DUS3L: variants seen among roughly 807,000 people sequenced by gnomAD.
The protein encoded by DUS3L is dihydrouridine synthase 3 like, also known as tRNA-dihydrouridine(47) synthase [NAD(P)(+)]-like.
A neutral mutation model predicts 74.6 loss-of-function variants in DUS3L; 62 were observed. That is an observed-to-expected ratio of 0.83 (90% confidence interval 0.68 to 1.03). The LOEUF (loss-of-function observed/expected upper bound fraction) is 1.03, where lower values mean the gene tolerates loss of function less well. DUS3L is among the 50% of genes least tolerant of loss of function. DUS3L has a pLI of 0.00. For missense variants in DUS3L, 884 were observed against 924.4 expected (o/e 0.96, Z 0.57); for synonymous variants, 433 against 395.7 (o/e 1.09, Z -1.12).
In DUS3L at chr19:5,785,242, G is replaced by A. The variant is rs780175670; in HGVS notation, c.1914C>T (p.Phe638=). Residue 638 remains phenylalanine, a synonymous_variant, in exon 13 of 13, where the codon TTC becomes TTT. Transcript: ENST00000309061. ...TGGCCTTGTGCTTCGGCAAGAAGGC[G>A]AAGCTGGGGGGCACTGGCCCAAGGA... The part of the protein sequence containing the change: ...EMLLGPVPPS[F]AFLPKHKANA... 5.6e-6 allele frequency: 9 copies of A among 1,610,700 alleles called. No individual in the cohort carries two copies. Among genetic ancestry groups the A allele is most frequent in the Admixed American group, 1.7e-5 (1 of 59,670 alleles).
chr19:5,789,518 C>A lies in DUS3L; in HGVS notation c.589G>T (p.Ala197Ser). The change falls in exon 3 of 13, where the codon GCG becomes TCG. Residue 197 changes from alanine (A) to serine (S), a missense_variant. Coordinates refer to ENST00000309061, the MANE Select transcript of DUS3L (RefSeq NM_020175.3). The stretch of plus-strand genomic sequence containing the variant: ...GACGGGGGCTGGGTCCCGCGGGCCG[C>A]CAACTCCTCCTGCACCAGGTTCTGT... ...EGQNLVQEEL[A>S]ARGTQPPSIR... 5.6e-6 allele frequency: 9 copies of A among 1,605,006 alleles called. No individual in the cohort carries two copies. Among genetic ancestry groups the A allele is most frequent in the Non-Finnish European group, 7.6e-6 (9 of 1,178,180 alleles).
rs754118371 is a variant in DUS3L at position 5,787,573 on chromosome 19, C to G, written c.1212+16G>C. The G allele has an allele frequency of 6.2e-7, 1 of 1,611,076 alleles. No homozygotes were observed. The highest frequency in any genetic ancestry group is 1.3e-5 in the African/African-American group (1 of 74,840). ...GCCCAGATGGGGAAACCGAGGCACA[C>G]GTCCAGGGCCGCTACCTTCTTGTAC... is the stretch of plus-strand genomic sequence containing the variant. On this transcript the variant is annotated intron_variant, in intron 6 of 12. Coordinates refer to ENST00000309061, the MANE Select transcript of DUS3L (RefSeq NM_020175.3).
Position 5,790,341 on chromosome 19 carries a change from G to A in DUS3L, c.99-6C>T, listed in dbSNP as rs2056897797. 3.1e-6 allele frequency: 5 copies of A among 1,613,606 alleles called. No homozygotes were observed. In the Admixed American group the frequency reaches 5.0e-5, roughly 16 times the overall value. On this transcript the variant is annotated splice_polypyrimidine_tract_variant and splice_region_variant and intron_variant, in intron 1 of 12. Transcript: ENST00000309061. ...GCTCCTTGGTGGTGAGGTATCTGCC[G>A]ACAGAAAGGGAAAGGAAAACCCTCC...
Position 5,786,739 on chromosome 19 carries a change from G to C in DUS3L, c.1486+10C>G. ...TAGGGGAGAGGGAGGTGGCTTCCCG[G>C]AACACCCACCGAACAGGGGCATGGG... On this transcript the variant is annotated intron_variant, in intron 9 of 12. Transcript: ENST00000309061. 1 of 1,609,950 alleles carries C rather than the reference G, an allele frequency of 6.2e-7. No individual in the cohort carries two copies. Among genetic ancestry groups the C allele is most frequent in the Non-Finnish European group, 8.5e-7 (1 of 1,178,792 alleles).
In DUS3L at chr19:5,786,680, C is replaced by T. The variant is rs904570140; in HGVS notation, c.1486+69G>A. 4.4e-5 allele frequency: 70 copies of T among 1,577,360 alleles called. 1 individual carries two copies. The highest frequency in any genetic ancestry group is 3.3e-4 in the South Asian group (28 of 86,006). On this transcript the variant is annotated intron_variant, in intron 9 of 12. Coordinates refer to ENST00000309061, the MANE Select transcript of DUS3L (RefSeq NM_020175.3). ...TACGAGGGGGTCCCAAGTGGGAAGG[C>T]GAACAGCCCAGAGGTGTGAGTGACC...
intron 4 of DUS3L, 34 bp from the exon 5 acceptor site, chr19:5,788,210 T>TG (rs777209369): frequency 9.3e-6 from 15 of 1,611,938 alleles, no homozygotes; most frequent in Non-Finnish European, 1.2e-5. Context: ...CACATGCTCT[T>TG]GCACGCGCAC....
chr19:5,786,168 T>C (rs1214161761), intron 10 of DUS3L, among the ~76,000 whole-genome samples: 1 of 152,174 alleles, frequency 6.6e-6, no homozygotes, highest in East Asian at 1.9e-4. Flanking sequence ...AGGCTAGTCT[T>C]GAACCTCCGA....
rs766698723 is a variant in DUS3L, at chr19:5,788,322, C to T, written c.942+35G>A. ...CTGTTGGAATGACCACACTGCCACC[C>T]TGCCACCCGACCAGCCACCTGACCC... On this transcript the variant is annotated intron_variant, in intron 4 of 12. Transcript: ENST00000309061. The T allele has an allele frequency of 8.1e-6, 13 of 1,613,340 alleles. No homozygotes were observed. In the African/African-American group the frequency reaches 1.6e-4, roughly 20 times the overall value.
At chr19:5,789,976 A>G (rs2056893476) in intron 2 of DUS3L, 71 bp downstream of exon 2, 6 of 1,586,014 alleles carry the variant, frequency 3.8e-6, no homozygotes. Context: ...CTTTCTAACA[A>G]TTACCCGCTG....
chr19:5,787,266 G>T, intron 7 of DUS3L, 30 bp downstream of exon 7: 1 of 335,918 alleles, frequency 3.0e-6, no homozygotes, highest in Non-Finnish European at 4.2e-6. Context: ...AGTTGTTTGG[G>T]AGCCAGTGCG....
Position 5,786,858 on chromosome 19 carries a change from C to A in DUS3L, c.1390-13G>T. 1 of 1,600,646 alleles carries A rather than the reference C, an allele frequency of 6.2e-7. No homozygotes were observed. The highest frequency in any genetic ancestry group is 1.1e-5 in the South Asian group (1 of 88,836). Reference sequence around the variant, plus strand: ...AGCGGCCGTGGAGCTGGGGGAGAAGCCGCCACGCAGGGTAGGAGGCAGAGA... The same window carrying A: ...AGCGGCCGTGGAGCTGGGGGAGAAGACGCCACGCAGGGTAGGAGGCAGAGA... On this transcript the variant is annotated splice_polypyrimidine_tract_variant and intron_variant, in intron 8 of 12. Transcript: ENST00000309061.
chr19:5,787,385 G>T (rs767988717), intron 6 of DUS3L, 24 bp from the exon 7 acceptor site: 3 of 1,611,418 alleles, frequency 1.9e-6, no homozygotes, highest in Non-Finnish European at 2.5e-6. Context: ...GCGGGTGGAG[G>T]GAGGGCAGGA....
intron 1 of DUS3L, 174 bp downstream of exon 1, chr19:5,790,870 G>A: frequency 3.1e-6 from 2 of 651,196 alleles, no homozygotes; most frequent in Non-Finnish European, 5.4e-6. Context: ...GCCCCAACGT[G>A]CACGATCTCA....
Position 5,789,708 on chromosome 19 carries a change from A to G in DUS3L, c.399T>C (p.Ala133=). 4 of 1,605,266 alleles carry G rather than the reference A, an allele frequency of 2.5e-6. No homozygotes were observed. The highest frequency in any genetic ancestry group is 1.1e-5 in the South Asian group (1 of 89,578). Residue 133 remains alanine, a synonymous_variant, in exon 3 of 13, where the codon GCT becomes GCC. Coordinates refer to ENST00000309061, the MANE Select transcript of DUS3L (RefSeq NM_020175.3). ...LCPSLIQESA[A]KCFFGDRCRF... ...GGCAGCGATCACCGAAGAAACACTTAGCAGCCGACTCCTGCGAGGAAACAG... is the reference window on the plus strand; with the variant it reads ...GGCAGCGATCACCGAAGAAACACTTGGCAGCCGACTCCTGCGAGGAAACAG...
chr19:5,786,772 G>A lies in DUS3L; in HGVS notation c.1463C>T (p.Ala488Val). The change falls in exon 9 of 13, where the codon GCC becomes GTC. Residue 488 changes from alanine to valine, a missense_variant. By Grantham distance (64) the Ala-to-Val change is moderately conservative (BLOSUM62 0). Coordinates refer to ENST00000309061, the MANE Select transcript of DUS3L (RefSeq NM_020175.3). ...DWQYIEECVQ[A>V]ASPMPLFGNG... ...ACCGAACAGGGGCATGGGGCTGGCG[G>A]CCTGCACGCACTCCTCGATGTACTG... The A allele has an allele frequency of 6.2e-7, 1 of 1,612,182 alleles. No individual in the cohort carries two copies. Among genetic ancestry groups the A allele is most frequent in the Non-Finnish European group, 8.5e-7 (1 of 1,179,800 alleles).
In DUS3L at chr19:5,791,059, G is replaced by T; in HGVS notation, c.83C>A (p.Ala28Glu). The T allele has an allele frequency of 6.2e-7, 1 of 1,604,014 alleles. No individual in the cohort carries two copies. The highest frequency in any genetic ancestry group is 8.5e-7 in the Non-Finnish European group (1 of 1,175,834). Residue 28 changes from alanine (A) to glutamate (E), a missense_variant, in exon 1 of 13, where the codon GCG becomes GAG. Physicochemically the swap from Ala to Glu is moderately radical, Grantham distance 107. Coordinates refer to ENST00000309061, the MANE Select transcript of DUS3L (RefSeq NM_020175.3). ...SGAGALERGV[A>E]PIKRQYLTTK... is the part of the protein sequence containing the mutation. ...GGCGACTCACTGACGCTTAATGGGC[G>T]CCACTCCTCGTTCCAAAGCTCCGGC... is the stretch of plus-strand genomic sequence containing the variant.
chr19:5,786,820 C>T lies in DUS3L; in HGVS notation c.1415G>A (p.Arg472His), dbSNP rs187597254. ...VTLHGRSREQ[R>H]YTKLADWQYI... ...CTGCCAGTCGGCTAGCTTGGTGTAG[C>T]GCTGCTCCCGAGAGCGGCCGTGGAG... is the stretch of plus-strand genomic sequence containing the variant. Residue 472 changes from arginine (R) to histidine (H), a missense_variant, in exon 9 of 13, where the codon CGC (arginine) becomes CAC (histidine). Arg to His is a conservative substitution (Grantham distance 29). Coordinates refer to ENST00000309061, the MANE Select transcript of DUS3L (RefSeq NM_020175.3). 1.8e-5 allele frequency: 29 copies of T among 1,611,090 alleles called. No homozygotes were observed. The highest frequency in any genetic ancestry group is 1.7e-4 in the Admixed American group (10 of 59,840).
chr19:5,786,058 T>G (rs1418523321), intron 10 of DUS3L: 1 of 503,414 alleles, frequency 2.0e-6, no homozygotes, highest in Non-Finnish European at 3.5e-6. Context: ...TTCAGGCAAT[T>G]GTCCTGCCTC....
At chr19:5,786,373 G>T in intron 10 of DUS3L, 94 bp downstream of exon 10, 1 of 1,249,172 alleles carries the variant, frequency 8.0e-7, no homozygotes, top group Non-Finnish European at 1.1e-6. Context: ...GGGACCAACA[G>T]CCCACCACAG....
Sources: gnomAD v4.1 joint callset for allele counts (sites outside exome capture counted in the v4.1 genomes callset) on GRCh38, gnomAD v4.1.1 for gene constraint, MANE v1.5 for transcripts, NCBI Gene and HGNC (gene_info 2026-07-23, HGNC 2026-07-21) for gene names.